EEA1: variants seen among roughly 807,000 people sequenced by gnomAD.
EEA1 encodes early endosome antigen 1, 162kD.
A neutral mutation model predicts 209.2 loss-of-function variants in EEA1; 111 were observed. The ratio of observed to expected loss-of-function variants is 0.53; its 90% CI spans 0.45 to 0.62. The LOEUF (loss-of-function observed/expected upper bound fraction) is 0.62. Among genes scored for constraint, EEA1 ranks in the 20% least tolerant of loss-of-function variants. EEA1 has a pLI of 0.00. For missense variants in EEA1, 1,343 were observed against 1,530.8 expected, an observed-to-expected ratio of 0.88 and a Z score of 2.05; for synonymous variants, 536 against 540.6, an observed-to-expected ratio of 0.99 and a Z score of 0.12.
intron 1 of EEA1, among the ~76,000 whole-genome samples, chr12:92,914,139 C>T (rs917498662): frequency 1.1e-4 from 16 of 152,062 alleles, no homozygotes; most frequent in African/African-American, 3.6e-4. Context: ...ACCCCCACCA[C>T]ACCCTCAGGT....
intron 21 of EEA1, among the ~76,000 whole-genome samples, chr12:92,797,502 CA>C: frequency 6.6e-6 from 1 of 152,222 alleles, no homozygotes; most frequent in East Asian, 1.9e-4. Flanking sequence ...GTCAACTGTA[CA>C]GGCAATATAT....
chr12:92,858,656 A>G, intron 3 of EEA1: 2 of 736,994 alleles, frequency 2.7e-6, no homozygotes, highest in East Asian at 5.2e-5. Context: ...TATATGCAGG[A>G]TTGAGGTGCT....
At chr12:92,842,222 G>A (rs572592624) in intron 10 of EEA1, among the ~76,000 whole-genome samples, 1 of 152,032 alleles carries the variant, frequency 6.6e-6, no homozygotes, top group East Asian at 1.9e-4. Flanking sequence ...ACAGAAAGTA[G>A]AATGGAAGCT....
intron 1 of EEA1, among the ~76,000 whole-genome samples, chr12:92,916,596 T>C (rs1387968394): frequency 9.9e-6 from 1 of 101,104 alleles, no homozygotes; most frequent in Non-Finnish European, 2.1e-5. Context: ...GAGGTTGCAG[T>C]GAGCCATCAT....
chr12:92,865,426 C>G (rs1030035564), intron 2 of EEA1, among the ~76,000 whole-genome samples: 2 of 150,822 alleles, frequency 1.3e-5, no homozygotes, highest in Non-Finnish European at 3.0e-5. Context: ...AAAAGTAATT[C>G]ATAATCACCA....
rs890695636 is a variant in EEA1 at position 92,884,523 on chromosome 12, A to G, written c.117+7106T>C. The G allele has an allele frequency of 1.9e-5, 28 of 1,486,628 alleles. No individual in the cohort carries two copies. The Admixed American group carries it at 2.8e-4, about 15-fold the overall frequency. The allele number at this position is 1,486,628 out of a possible 1,614,324, so 92.1% of individuals were successfully genotyped here. On this transcript the variant is annotated intron_variant, in intron 2 of 28. Coordinates refer to ENST00000322349, the MANE Select transcript of EEA1 (RefSeq NM_003566.4). The stretch of plus-strand genomic sequence containing the variant: ...AATTTTGGAGGTGGTGGAAGCTACA[A>G]TGATTTTGGCAATTACAACAATCAG...
chr12:92,900,135 CA>C (rs755397311), intron 1 of EEA1, among the ~76,000 whole-genome samples: 3 of 152,030 alleles, frequency 2.0e-5, no homozygotes, highest in Non-Finnish European at 4.4e-5. Context: ...CAAAAGGGAC[CA>C]AAAGTCAAAT....
At chr12:92,826,396 A>T (rs1876300520) in intron 12 of EEA1, 111 bp from the exon 13 acceptor site, 1 of 957,768 alleles carries the variant, frequency 1.0e-6, no homozygotes, top group Admixed American at 2.6e-5. Context: ...AAATTCAGGA[A>T]TATATAAGAT....
intron 3 of EEA1, chr12:92,858,423 C>T: frequency 8.2e-7 from 1 of 1,224,364 alleles, no homozygotes; most frequent in Non-Finnish European, 1.2e-6. Context: ...GCAACAGTCA[C>T]CAGATATTTC....
intron 3 of EEA1, among the ~76,000 whole-genome samples, chr12:92,863,130 A>T (rs543701513): frequency 5.6e-4 from 85 of 152,368 alleles, no homozygotes; most frequent in African/African-American, 2.0e-3. Context: ...ATGGTATGTC[A>T]TCTCAGAAGA....
intron 1 of EEA1, among the ~76,000 whole-genome samples, chr12:92,905,947 C>T (rs899092030): frequency 5.9e-5 from 9 of 151,766 alleles, no homozygotes; most frequent in African/African-American, 2.2e-4. Context: ...ACTCTGTGAC[C>T]CAGGCTGAAG....
intron 1 of EEA1, among the ~76,000 whole-genome samples, chr12:92,909,777 G>A (rs1348133252): frequency 6.6e-6 from 1 of 152,164 alleles, no homozygotes; most frequent in Non-Finnish European, 1.5e-5. Flanking sequence ...AGCACTTTGG[G>A]AGGCCGAGGT....
At chr12:92,821,270 A>T (rs118052555) in intron 13 of EEA1, among the ~76,000 whole-genome samples, 2,090 of 152,292 alleles carry the variant, frequency 0.014, 27 homozygotes, top group Non-Finnish European at 0.024. Flanking sequence ...TAACTATCCT[A>T]CTGTATGACC....
At chr12:92,810,705 C>T (rs1001839768) in intron 17 of EEA1, among the ~76,000 whole-genome samples, 2 of 150,796 alleles carry the variant, frequency 1.3e-5, no homozygotes, top group Admixed American at 6.6e-5. Flanking sequence ...GCAAGCGGTT[C>T]TAATTTGAAG....
chr12:92,912,859 C>A (rs1464202715), intron 1 of EEA1, among the ~76,000 whole-genome samples: 5 of 152,198 alleles, frequency 3.3e-5, no homozygotes, highest in African/African-American at 1.2e-4. Flanking sequence ...CCTGTTGCTA[C>A]AAAAGACATG....
intron 1 of EEA1, among the ~76,000 whole-genome samples, chr12:92,911,384 C>T (rs1236785034): frequency 6.6e-6 from 1 of 152,106 alleles, no homozygotes; most frequent in African/African-American, 2.4e-5. Flanking sequence ...AGGAGCCAAT[C>T]TGAAAATGCT....
chr12:92,801,626 T>C lies in EEA1; in HGVS notation c.2746A>G (p.Lys916Glu). The C allele has an allele frequency of 6.3e-7, 1 of 1,594,256 alleles. No homozygotes were observed. Among genetic ancestry groups the C allele is most frequent in the African/African-American group, 1.4e-5 (1 of 73,898 alleles). Reference protein sequence around the residue: ...ENTLKEQKELKKSLEKEKEAS... With the variant: ...ENTLKEQKELEKSLEKEKEAS... Reference sequence around the variant, plus strand: ...TCCTTCTCTTTTTCAAGTGACTTTTTCAGTTCCTTCTGTTCCTTAAGTGTG... The same window carrying C: ...TCCTTCTCTTTTTCAAGTGACTTTTCCAGTTCCTTCTGTTCCTTAAGTGTG... Residue 916 changes from lysine (K) to glutamate (E), a missense_variant, in exon 20 of 29, where the codon AAA (lysine) becomes GAA (glutamate). This residue lies in a region of EEA1 where 1,307 missense variants were observed against 1,465.5 expected (regional missense o/e 0.89). Transcript: ENST00000322349.
chr12:92,779,567 C>A (rs1446153841), intron 24 of EEA1, among the ~76,000 whole-genome samples: 2 of 152,064 alleles, frequency 1.3e-5, no homozygotes, highest in African/African-American at 4.8e-5. Flanking sequence ...TCTATTTTCC[C>A]TTTCCTCACT....
chr12:92,892,344 C>T (rs1183942149), intron 1 of EEA1, among the ~76,000 whole-genome samples: 5 of 152,016 alleles, frequency 3.3e-5, no homozygotes, highest in South Asian at 2.1e-4. Context: ...TGCCCACCTC[C>T]GCCTCCCAAA....
Sources: allele counts gnomAD v4.1 joint callset (sites outside exome capture counted in the v4.1 genomes callset), GRCh38; gene constraint gnomAD v4.1.1; regional missense constraint gnomAD v4.1.1; transcripts MANE v1.5; gene names NCBI Gene and HGNC (gene_info 2026-07-23, HGNC 2026-07-21).